RBFOX3: variants seen among roughly 807,000 people sequenced by gnomAD.
The protein encoded by RBFOX3 is RNA binding fox-1 homolog 3.
A neutral mutation model predicts 48.7 loss-of-function variants in RBFOX3; 17 were observed. That is an observed-to-expected ratio of 0.35 (90% confidence interval 0.24 to 0.52). The LOEUF (loss-of-function observed/expected upper bound fraction) is 0.52, where lower values mean the gene tolerates loss of function less well. RBFOX3 is among the 20% of genes least tolerant of loss of function. The pLI, the probability that RBFOX3 is intolerant of heterozygous loss-of-function variation, is 0.94. For synonymous variants in RBFOX3, 212 were observed against 209.5 expected (o/e 1.01, Z -0.10); for missense variants, 382 against 497.5 (o/e 0.77, Z 2.21).
intron 2 of RBFOX3, among the ~76,000 whole-genome samples, chr17:79,331,511 C>G (rs914905264): frequency 3.9e-5 from 6 of 152,180 alleles, no homozygotes; most frequent in African/African-American, 1.2e-4. Flanking sequence ...CTCTGCCCCC[C>G]CTGGACCCCT....
intron 1 of RBFOX3, among the ~76,000 whole-genome samples, chr17:79,544,993 AAG>A (rs1192011665): frequency 1.3e-5 from 2 of 149,872 alleles, no homozygotes; most frequent in Non-Finnish European, 3.0e-5. Flanking sequence ...AAAAAAAAAA[AAG>A]AGAAAGAAAG....
At chr17:79,406,289 A>G (rs1339733375) in intron 2 of RBFOX3, among the ~76,000 whole-genome samples, 1 of 152,152 alleles carries the variant, frequency 6.6e-6, no homozygotes, top group Non-Finnish European at 1.5e-5. Context: ...AACCCTAGGG[A>G]TGGGGTCGGC....
At chr17:79,351,087 G>C (rs1041750846) in intron 2 of RBFOX3, among the ~76,000 whole-genome samples, 3 of 152,240 alleles carry the variant, frequency 2.0e-5, no homozygotes, top group Non-Finnish European at 4.4e-5. Flanking sequence ...TGTAGCATGT[G>C]CCAGAATTTC....
At chr17:79,160,105 C>G (rs1320327910) in intron 4 of RBFOX3, among the ~76,000 whole-genome samples, 2 of 152,376 alleles carry the variant, frequency 1.3e-5, no homozygotes, top group South Asian at 2.1e-4. Context: ...GACTGCCTAG[C>G]TCCGGCCCCG....
At chr17:79,109,897 A>G (rs979413890) in intron 5 of RBFOX3, among the ~76,000 whole-genome samples, 11 of 152,140 alleles carry the variant, frequency 7.2e-5, no homozygotes, top group Non-Finnish European at 1.2e-4. Context: ...GGGAGGAGCC[A>G]TGAGTGGGGC....
chr17:79,187,214 G>T (rs1483042736), intron 4 of RBFOX3, among the ~76,000 whole-genome samples: 1 of 152,202 alleles, frequency 6.6e-6, no homozygotes. Flanking sequence ...AATTCCCAAG[G>T]TGGCAAGTGG....
chr17:79,369,575 G>A (rs1370354212), intron 2 of RBFOX3, among the ~76,000 whole-genome samples: 1 of 152,090 alleles, frequency 6.6e-6, no homozygotes, highest in Non-Finnish European at 1.5e-5. Context: ...GTGTTCTGGG[G>A]CATGGTTGGT....
chr17:79,159,178 G>A (rs2046428017), intron 4 of RBFOX3, among the ~76,000 whole-genome samples: 1 of 152,196 alleles, frequency 6.6e-6, no homozygotes, highest in Non-Finnish European at 1.5e-5. Flanking sequence ...TGTGCTGGGT[G>A]GCCAGGGAGG....
chr17:79,114,952 G>A (rs1173764803), intron 5 of RBFOX3, among the ~76,000 whole-genome samples: 1 of 152,204 alleles, frequency 6.6e-6, no homozygotes, highest in Non-Finnish European at 1.5e-5. Context: ...CTTTTGCCTG[G>A]GAGCTGCATT....
intron 1 of RBFOX3, among the ~76,000 whole-genome samples, chr17:79,604,269 C>T (rs2093777525): frequency 6.6e-6 from 1 of 152,204 alleles, no homozygotes; most frequent in African/African-American, 2.4e-5. Flanking sequence ...AGTCATTAGG[C>T]TTTGCAGAGC....
At chr17:79,568,612 G>C (rs1329229990) in intron 1 of RBFOX3, among the ~76,000 whole-genome samples, 1 of 152,110 alleles carries the variant, frequency 6.6e-6, no homozygotes, top group Non-Finnish European at 1.5e-5. Flanking sequence ...TGTTTCTCCA[G>C]TGCTGGGGGC....
chr17:79,105,792 A>G (rs890546787), intron 6 of RBFOX3, among the ~76,000 whole-genome samples: 15 of 152,228 alleles, frequency 9.9e-5, no homozygotes, highest in Non-Finnish European at 1.5e-4. Flanking sequence ...CGTGGCAGGC[A>G]GGCGGAAGAG....
chr17:79,169,310 G>A (rs2048658125), intron 4 of RBFOX3, among the ~76,000 whole-genome samples: 1 of 152,178 alleles, frequency 6.6e-6, no homozygotes, highest in Non-Finnish European at 1.5e-5. Flanking sequence ...GAACTCAGAT[G>A]CTGGGGTAGC....
intron 4 of RBFOX3, among the ~76,000 whole-genome samples, chr17:79,117,461 C>T (rs1026167579): frequency 2.7e-4 from 41 of 152,358 alleles, no homozygotes; most frequent in African/African-American, 7.5e-4. Context: ...CACGTTAGTT[C>T]AGTGAGCACC....
intron 4 of RBFOX3, among the ~76,000 whole-genome samples, chr17:79,213,182 G>GAAAAAGAGCATT (rs1197139525): frequency 3.3e-5 from 5 of 152,172 alleles, no homozygotes; most frequent in Non-Finnish European, 5.9e-5. Flanking sequence ...TAATGACAAT[G>GAAAAAGAGCATT]AAAAAGAGGA....
chr17:79,356,186 T>C (rs1410591257), intron 2 of RBFOX3, among the ~76,000 whole-genome samples: 1 of 151,940 alleles, frequency 6.6e-6, no homozygotes, highest in African/African-American at 2.4e-5. Context: ...TGAATGTTCC[T>C]GCTTGTGAAA....
intron 1 of RBFOX3, among the ~76,000 whole-genome samples, chr17:79,561,340 G>A (rs1383315487): frequency 6.6e-6 from 1 of 152,150 alleles, no homozygotes; most frequent in African/African-American, 2.4e-5. Flanking sequence ...CCAGCTTCCA[G>A]GAAGAAACGC....
At chr17:79,617,938 G>A in the RBFOX3 span, among the ~76,000 whole-genome samples, 5 of 152,330 alleles carry the variant, frequency 3.3e-5, no homozygotes, top group African/African-American at 9.6e-5. Flanking sequence ...CATCTGCGAT[G>A]TCACATGTGC....
chr17:79,524,628 GT>G (rs2086560018), intron 1 of RBFOX3, among the ~76,000 whole-genome samples: 1 of 152,190 alleles, frequency 6.6e-6, no homozygotes, highest in Non-Finnish European at 1.5e-5. Context: ...GCCCCTGGCT[GT>G]GCTGGGAGTG....
Sources: gnomAD v4.1 joint callset for allele counts (sites outside exome capture counted in the v4.1 genomes callset) on GRCh38, gnomAD v4.1.1 for gene constraint, MANE v1.5 for transcripts, NCBI Gene and HGNC (gene_info 2026-07-23, HGNC 2026-07-21) for gene names.